The following SMYD3 variants were observed in gnomAD, a reference collection of about 807,000 sequenced individuals.
SMYD3 encodes SET and MYND domain containing 3.
SMYD3 carries 36 observed loss-of-function variants against 57.7 expected under a neutral mutation model. That is an observed-to-expected ratio of 0.62 (90% CI 0.48 to 0.82). SMYD3 has a LOEUF of 0.82. Ranked by LOEUF, SMYD3 falls within the 40% of genes least tolerant of loss-of-function variation. SMYD3 has a pLI of 0.00. For synonymous variants in SMYD3, 211 were observed against 195.0 expected (o/e 1.08, Z -0.68); for missense variants, 515 against 538.8 (o/e 0.96, Z 0.44).
At chr1:246,044,409 T>C (rs1002062864) in intron 5 of SMYD3, among the ~76,000 whole-genome samples, 1 of 152,200 alleles carries the variant, frequency 6.6e-6, no homozygotes, top group South Asian at 2.1e-4. Flanking sequence ...CTATTTTACC[T>C]TCAGAGAAAT....
intron 10 of SMYD3, among the ~76,000 whole-genome samples, chr1:245,795,178 G>C (rs1017230589): frequency 1.3e-5 from 2 of 152,160 alleles, no homozygotes; most frequent in African/African-American, 4.8e-5. Context: ...CCAGTGATAG[G>C]GACATTGCAA....
intron 5 of SMYD3, chr1:245,953,138 T>A: frequency 1.2e-5 from 9 of 776,640 alleles, no homozygotes; most frequent in Non-Finnish European, 1.4e-5. Context: ...GGTAAAGTGT[T>A]ATTTCCCCAA....
intron 7 of SMYD3, among the ~76,000 whole-genome samples, chr1:245,918,474 T>C (rs1053046237): frequency 6.6e-6 from 1 of 152,220 alleles, no homozygotes; most frequent in African/African-American, 2.4e-5. Flanking sequence ...CTGTGGCAAC[T>C]GAGATCCTTC....
chr1:246,035,387 A>C (rs2059754866), intron 5 of SMYD3: 1 of 152,188 alleles, frequency 6.6e-6, no homozygotes, highest in Non-Finnish European at 1.5e-5. Context: ...TTCTGAGTTG[A>C]AGTAAACCGA....
At chr1:245,879,378 T>C (rs1223511162) in intron 8 of SMYD3, among the ~76,000 whole-genome samples, 2 of 152,218 alleles carry the variant, frequency 1.3e-5, no homozygotes, top group East Asian at 3.8e-4. Context: ...ACATGAGCTG[T>C]GCTGTTACAG....
intron 1 of SMYD3, among the ~76,000 whole-genome samples, chr1:246,443,694 C>T (rs1349916152): frequency 6.6e-6 from 1 of 152,086 alleles, no homozygotes; most frequent in Non-Finnish European, 1.5e-5. Flanking sequence ...AAACCTTGTG[C>T]TCTTCTGACA....
chr1:245,813,167 A>G (rs2048590710), intron 10 of SMYD3, among the ~76,000 whole-genome samples: 1 of 151,788 alleles, frequency 6.6e-6, no homozygotes, highest in South Asian at 2.1e-4. Flanking sequence ...GGCGCCCGCC[A>G]CCACGCCCGG....
intron 5 of SMYD3, among the ~76,000 whole-genome samples, chr1:246,219,914 C>A (rs1380133921): frequency 2.6e-5 from 4 of 152,140 alleles, no homozygotes; most frequent in Non-Finnish European, 5.9e-5. Flanking sequence ...CTGACTCCAG[C>A]GACCATGTAC....
At chr1:245,938,404 CA>C (rs1379315044) in intron 5 of SMYD3, among the ~76,000 whole-genome samples, 1 of 152,172 alleles carries the variant, frequency 6.6e-6, no homozygotes, top group African/African-American at 2.4e-5. Flanking sequence ...ACCTAGTGGG[CA>C]GGAGCCAGGG....
chr1:246,052,722 G>A (rs1303757336), intron 5 of SMYD3: 1 of 152,214 alleles, frequency 6.6e-6, no homozygotes, highest in Non-Finnish European at 1.5e-5. Flanking sequence ...GGAGTGACCA[G>A]ATCTCCTTTG....
chr1:246,167,500 C>T (rs962044272), intron 5 of SMYD3, among the ~76,000 whole-genome samples: 9 of 150,598 alleles, frequency 6.0e-5, no homozygotes, highest in Non-Finnish European at 7.4e-5. Flanking sequence ...CACCTCATTA[C>T]GGTTTTTTTT....
At chr1:246,117,749 G>A (rs555137452) in intron 5 of SMYD3, among the ~76,000 whole-genome samples, 26 of 152,286 alleles carry the variant, frequency 1.7e-4, no homozygotes, top group African/African-American at 6.0e-4. Flanking sequence ...GTAGGTAAAC[G>A]TGTGCCATGG....
At chr1:245,766,438 C>T (rs975877906) in intron 10 of SMYD3, among the ~76,000 whole-genome samples, 17 of 146,414 alleles carry the variant, frequency 1.2e-4, no homozygotes, top group African/African-American at 2.0e-4. Context: ...GAAAAGGGAG[C>T]GGAAGGGGGA....
chr1:246,374,330 G>A (rs2066236752), intron 1 of SMYD3, among the ~76,000 whole-genome samples: 1 of 152,138 alleles, frequency 6.6e-6, no homozygotes, highest in African/African-American at 2.4e-5. Context: ...AACAGTCACA[G>A]CATGTCTGCA....
intron 7 of SMYD3, among the ~76,000 whole-genome samples, chr1:245,927,221 A>G (rs1035414099): frequency 6.6e-6 from 1 of 152,260 alleles, no homozygotes; most frequent in African/African-American, 2.4e-5. Flanking sequence ...TGTGCAAACC[A>G]GTGCAAGCTT....
chr1:246,382,149 C>T (rs1018374506), intron 1 of SMYD3, among the ~76,000 whole-genome samples: 4 of 151,144 alleles, frequency 2.6e-5, no homozygotes, highest in Admixed American at 6.6e-5. Context: ...CCGCAGGCTC[C>T]GGGCCAGTTC....
At chr1:245,847,567 C>T (rs185108332) in intron 10 of SMYD3, among the ~76,000 whole-genome samples, 2 of 152,294 alleles carry the variant, frequency 1.3e-5, no homozygotes, top group Admixed American at 6.5e-5. Flanking sequence ...TGGCTCCCTA[C>T]AGGGGAAATG....
chr1:246,061,184 C>T (rs1309337244), intron 5 of SMYD3, among the ~76,000 whole-genome samples: 2 of 152,176 alleles, frequency 1.3e-5, no homozygotes, highest in African/African-American at 2.4e-5. Flanking sequence ...GATGGCACCA[C>T]TGCACTCCAG....
At chr1:245,751,538 G>C (rs12751557) in intron 11 of SMYD3, among the ~76,000 whole-genome samples, 1 of 144,446 alleles carries the variant, frequency 6.9e-6, no homozygotes, top group Non-Finnish European at 1.5e-5. Context: ...GAGAAAGAGA[G>C]AGAAAGAGAG....
Sources: gnomAD v4.1 joint callset for allele counts (sites outside exome capture counted in the v4.1 genomes callset) on GRCh38, gnomAD v4.1.1 for gene constraint, MANE v1.5 for transcripts, NCBI Gene and HGNC (gene_info 2026-07-23, HGNC 2026-07-21) for gene names.